HECW2: variants seen among roughly 807,000 people sequenced by gnomAD.
HECW2 encodes HECT, C2 and WW domain containing E3 ubiquitin protein ligase 2.
A neutral mutation model predicts 175.2 loss-of-function variants in HECW2; 61 were observed. The ratio of observed to expected loss-of-function variants is 0.35; its 90% confidence interval spans 0.28 to 0.43. The LOEUF is 0.43. HECW2 is among the 20% of genes least tolerant of loss of function. HECW2 has a pLI of 1.00. For missense variants in HECW2, 1,524 were observed against 2,000.5 expected (o/e 0.76, Z 4.54); for synonymous variants, 671 against 731.0 (o/e 0.92, Z 1.32).
At position 196,433,164 on chromosome 2, in the gene HECW2, T is replaced by C; in HGVS notation, c.260A>G (p.Asp87Gly). The C allele has an allele frequency of 6.2e-7, 1 of 1,613,838 alleles. No individual in the cohort carries two copies. Among genetic ancestry groups the C allele is most frequent in the Non-Finnish European group, 8.5e-7 (1 of 1,179,766 alleles). Residue 87 changes from aspartate (D) to glycine (G), a missense_variant, in exon 2 of 29, where the codon GAC becomes GGC. Coordinates refer to ENST00000644978, the MANE Select transcript of HECW2 (RefSeq NM_001348768.2). ...IIFWDIKEEV[D>G]PSDWIGLYHI... The stretch of plus-strand genomic sequence containing the variant: ...ATAAAGTCCAATCCAATCACTGGGG[T>C]CCACCTCCTCTTTAATGTCCCAGAA...
intron 1 of HECW2, among the ~76,000 whole-genome samples, chr2:196,585,684 GAGA>G (rs1406045618): frequency 1.3e-5 from 2 of 152,094 alleles, no homozygotes; most frequent in Non-Finnish European, 2.9e-5. Context: ...AACAAAGGAG[GAGA>G]AGGAGAAAGA....
chr2:196,261,896 T>TA (rs1689308776), intron 17 of HECW2, among the ~76,000 whole-genome samples: 1 of 152,246 alleles, frequency 6.6e-6, no homozygotes, highest in African/African-American at 2.4e-5. Context: ...ATGTGACTCT[T>TA]ACAAATTTTC....
Position 196,417,122 on chromosome 2 carries a change from G to A in HECW2, c.292+16010C>T, listed in dbSNP as rs571286482. Among the ~76,000 whole-genome samples the A allele has an allele frequency of 9.2e-5, 14 of 152,324 alleles. No homozygotes were observed. The South Asian group carries it at 2.9e-3, about 32-fold the overall frequency. Reference sequence around the variant, plus strand: ...GGCTTCTAATTTGTAAAATGAGACCGATAGAGTCAATGATCATTAATTTTA... The same window carrying A: ...GGCTTCTAATTTGTAAAATGAGACCAATAGAGTCAATGATCATTAATTTTA... On this transcript the variant is annotated intron_variant, in intron 2 of 28. Coordinates refer to ENST00000644978, the MANE Select transcript of HECW2 (RefSeq NM_001348768.2).
chr2:196,242,268 A>C, intron 19 of HECW2, 64 bp from the exon 20 acceptor site: 1 of 1,594,738 alleles, frequency 6.3e-7, no homozygotes, highest in South Asian at 1.1e-5. Context: ...TCATCACATC[A>C]CCATGGACAA....
At chr2:196,281,643 C>CA (rs66656305) in intron 14 of HECW2, among the ~76,000 whole-genome samples, 24,845 of 38,208 alleles carry the variant, frequency 0.65, 11,153 homozygotes, top group East Asian at 0.93. Flanking sequence ...GACCCCGTCT[C>CA]AAAAAAAAAA....
intron 1 of HECW2, among the ~76,000 whole-genome samples, chr2:196,469,758 C>G (rs1697119380): frequency 6.6e-6 from 1 of 150,934 alleles, no homozygotes; most frequent in Admixed American, 6.6e-5. Flanking sequence ...ATAAATAATC[C>G]ATATGAGAGA....
intron 28 of HECW2, among the ~76,000 whole-genome samples, chr2:196,205,676 C>G (rs1687041860): frequency 6.6e-6 from 1 of 152,096 alleles, no homozygotes; most frequent in Non-Finnish European, 1.5e-5. Context: ...ACTCCAGGAG[C>G]TTGTTTTACA....
chr2:196,503,044 C>T (rs903729453), intron 1 of HECW2, among the ~76,000 whole-genome samples: 1 of 152,166 alleles, frequency 6.6e-6, no homozygotes, highest in South Asian at 2.1e-4. Flanking sequence ...TATCCTTCCA[C>T]CCCTAGCTCC....
intron 3 of HECW2, among the ~76,000 whole-genome samples, chr2:196,339,934 T>C (rs1364581558): frequency 1.3e-5 from 2 of 152,192 alleles, no homozygotes; most frequent in Admixed American, 6.5e-5. Flanking sequence ...TATAATGAAA[T>C]AAATTTGGAC....
At chr2:196,429,568 C>T (rs1695647945) in intron 2 of HECW2, among the ~76,000 whole-genome samples, 1 of 152,248 alleles carries the variant, frequency 6.6e-6, no homozygotes, top group Non-Finnish European at 1.5e-5. Flanking sequence ...CTAGCTTTCC[C>T]AATGTACATA....
intron 2 of HECW2, among the ~76,000 whole-genome samples, chr2:196,406,958 A>G (rs1307584461): frequency 6.6e-6 from 1 of 152,114 alleles, no homozygotes; most frequent in East Asian, 1.9e-4. Context: ...TTTCTTGTGT[A>G]TTTATTTTCC....
At chr2:196,237,499 G>C (rs956275542) in intron 21 of HECW2, among the ~76,000 whole-genome samples, 1 of 152,270 alleles carries the variant, frequency 6.6e-6, no homozygotes, top group Non-Finnish European at 1.5e-5. Context: ...ATTCCATCCA[G>C]GTTGCTGTGA....
intron 1 of HECW2, among the ~76,000 whole-genome samples, chr2:196,593,263 C>A (rs1360968424): frequency 6.6e-6 from 1 of 151,406 alleles, no homozygotes; most frequent in Non-Finnish European, 1.5e-5. Flanking sequence ...AGCCATGGCT[C>A]CCGCCCGCGC....
rs988920066 is a variant in HECW2, at chr2:196,194,081, A to C, written c.*7196T>G. On this transcript the variant is annotated 3_prime_UTR_variant, in exon 29 of 29. Coordinates refer to ENST00000644978, the MANE Select transcript of HECW2 (RefSeq NM_001348768.2). The stretch of plus-strand genomic sequence containing the variant: ...ATAGTCTCAACCCATGTGAGTTAAG[A>C]AATTATGATTTGTATTATAATTCAT... 6.6e-6 allele frequency: 1 copy of C among 152,244 alleles called. No individual in the cohort carries two copies. Among genetic ancestry groups the C allele is most frequent in the Non-Finnish European group, 1.5e-5 (1 of 68,038 alleles). 9.4% of individuals were successfully genotyped at this position (152,244 alleles called of 1,614,324 possible).
chr2:196,357,063 T>A (rs1242205493), intron 2 of HECW2, among the ~76,000 whole-genome samples: 2 of 152,114 alleles, frequency 1.3e-5, no homozygotes, highest in Non-Finnish European at 2.9e-5. Flanking sequence ...AGCAGGGAAG[T>A]GACATGATCT....
intron 13 of HECW2, among the ~76,000 whole-genome samples, chr2:196,294,327 T>A (rs1347239512): frequency 6.6e-6 from 1 of 152,222 alleles, no homozygotes; most frequent in African/African-American, 2.4e-5. Context: ...TTCATGAAAC[T>A]GACCAGGCCG....
intron 1 of HECW2, among the ~76,000 whole-genome samples, chr2:196,463,025 G>A (rs993437415): frequency 1.4e-4 from 21 of 152,162 alleles, no homozygotes; most frequent in African/African-American, 4.8e-4. Flanking sequence ...GGGCTTCTGA[G>A]TCTTGGTAGA....
At chr2:196,585,985 A>G (rs886577446) in intron 1 of HECW2, among the ~76,000 whole-genome samples, 3 of 152,048 alleles carry the variant, frequency 2.0e-5, no homozygotes, top group African/African-American at 4.8e-5. Flanking sequence ...CAAAATCCTA[A>G]AAGTCTGGGT....
chr2:196,533,070 A>C (rs966161264), intron 1 of HECW2, among the ~76,000 whole-genome samples: 1 of 152,196 alleles, frequency 6.6e-6, no homozygotes, highest in Non-Finnish European at 1.5e-5. Context: ...ATTTCCCCTT[A>C]CTATTCTTAC....
Sources: gnomAD v4.1 joint callset for allele counts (sites outside exome capture counted in the v4.1 genomes callset) on GRCh38, gnomAD v4.1.1 for gene constraint, MANE v1.5 for transcripts, NCBI Gene and HGNC (gene_info 2026-07-23, HGNC 2026-07-21) for gene names.